AGBL1: variants seen among roughly 807,000 people sequenced by gnomAD.
AGBL1 encodes cytosolic carboxypeptidase 4.
In AGBL1, 130 loss-of-function variants were observed where a neutral mutation model predicts 118.9. The observed-to-expected ratio is 1.09, with a 90% confidence interval of 0.95 to 1.26. The LOEUF (loss-of-function observed/expected upper bound fraction) is 1.26. Ranked by LOEUF, AGBL1 falls within the 50% of genes most tolerant of loss-of-function variation. The probability of loss-of-function intolerance (pLI) is 0.00; values close to 1 mark genes in which losing one functional copy is unlikely to be tolerated. For synonymous variants in AGBL1, 555 were observed against 478.9 expected (o/e 1.16, Z -2.08); for missense variants, 1,584 against 1,298.1 (o/e 1.22, Z -3.38).
chr15:86,490,586 A>G (rs2082765926), intron 18 of AGBL1, among the ~76,000 whole-genome samples: 1 of 152,050 alleles, frequency 6.6e-6, no homozygotes, highest in South Asian at 2.1e-4. Flanking sequence ...GACAATACCA[A>G]TGTTCTAGAA....
At chr15:86,332,625 G>T (rs182639560) in intron 17 of AGBL1, among the ~76,000 whole-genome samples, 1 of 139,320 alleles carries the variant, frequency 7.2e-6, no homozygotes, top group Non-Finnish European at 1.5e-5. Flanking sequence ...CAGCCTGGGC[G>T]ACAGAGTGAG....
intron 5 of AGBL1, among the ~76,000 whole-genome samples, chr15:86,168,156 C>G (rs536118691): frequency 1.3e-5 from 2 of 152,206 alleles, no homozygotes; most frequent in South Asian, 4.2e-4. Context: ...AAGACACAGT[C>G]CTTGCCCTCA....
chr15:86,739,209 C>T (rs1189110151), intron 22 of AGBL1, among the ~76,000 whole-genome samples: 2 of 151,668 alleles, frequency 1.3e-5, no homozygotes, highest in African/African-American at 2.4e-5. Flanking sequence ...TTTGGGAGGC[C>T]AAGGCAGGCA....
At chr15:86,960,002 G>T (rs928615613) in intron 23 of AGBL1, among the ~76,000 whole-genome samples, 1 of 152,034 alleles carries the variant, frequency 6.6e-6, no homozygotes, top group African/African-American at 2.4e-5. Flanking sequence ...CTCTTTTAAG[G>T]TTTCGGGTAA....
At chr15:86,178,176 G>A (rs926669305) in intron 5 of AGBL1, among the ~76,000 whole-genome samples, 25 of 152,096 alleles carry the variant, frequency 1.6e-4, no homozygotes, top group Non-Finnish European at 8.8e-5. Flanking sequence ...AGTTGGGTGT[G>A]GTGGCACCTG....
intron 21 of AGBL1, among the ~76,000 whole-genome samples, chr15:86,632,734 A>C (rs1430784440): frequency 1.3e-5 from 2 of 151,172 alleles, no homozygotes; most frequent in Non-Finnish European, 3.0e-5. Context: ...GCTTCTGAGC[A>C]GGTGTATTCA....
chr15:86,796,274 A>T (rs549231726), intron 22 of AGBL1, among the ~76,000 whole-genome samples: 1 of 152,328 alleles, frequency 6.6e-6, no homozygotes, highest in African/African-American at 2.4e-5. Context: ...TTGTTCTGTC[A>T]GAAAAGTAAG....
At chr15:86,610,332 A>G (rs1180735871) in intron 21 of AGBL1, among the ~76,000 whole-genome samples, 4 of 152,234 alleles carry the variant, frequency 2.6e-5, no homozygotes, top group African/African-American at 9.6e-5. Context: ...TCTTTGGTCC[A>G]CATAATAGTA....
intron 6 of AGBL1, among the ~76,000 whole-genome samples, chr15:86,226,907 A>G (rs757090346): frequency 4.6e-5 from 7 of 152,246 alleles, no homozygotes; most frequent in African/African-American, 7.2e-5. Flanking sequence ...TGTCTCTTCC[A>G]GCAGACTGCA....
At chr15:86,105,982 A>T (rs895624658) in intron 1 of AGBL1, among the ~76,000 whole-genome samples, 2 of 152,204 alleles carry the variant, frequency 1.3e-5, no homozygotes, top group African/African-American at 4.8e-5. Context: ...TTCCAATCAC[A>T]TCTGAAAAAT....
chr15:86,125,323 C>G (rs1009016910), intron 1 of AGBL1, among the ~76,000 whole-genome samples: 3 of 152,166 alleles, frequency 2.0e-5, no homozygotes, highest in Non-Finnish European at 4.4e-5. Context: ...ATGATGAAGC[C>G]TTTCGTGACT....
At chr15:86,830,820 A>G (rs2079094941) in intron 22 of AGBL1, among the ~76,000 whole-genome samples, 1 of 152,178 alleles carries the variant, frequency 6.6e-6, no homozygotes, top group African/African-American at 2.4e-5. Flanking sequence ...CACCCATACC[A>G]CTAAGAGTAC....
chr15:86,395,317 C>T (rs1411958469), intron 17 of AGBL1, among the ~76,000 whole-genome samples: 1 of 151,940 alleles, frequency 6.6e-6, no homozygotes, highest in Non-Finnish European at 1.5e-5. Flanking sequence ...TGGCATATGT[C>T]CCTTTCTTTG....
chr15:86,682,585 A>G (rs887119584), intron 22 of AGBL1, among the ~76,000 whole-genome samples: 3 of 152,156 alleles, frequency 2.0e-5, no homozygotes, highest in African/African-American at 7.2e-5. Flanking sequence ...TTTACAGCTT[A>G]CAGAATATTA....
In AGBL1 at chr15:86,319,743, G is replaced by GTTTTTTTTTTTTTTTTTTTTTT. The variant is rs139831044; in HGVS notation, c.2374+24350_2374+24371dup. ...TGTACTTTGTTTTGCCTCTTTGGTA[G>GTTTTTTTTTTTTTTTTTTTTTT]TTTTTTTTTTTTTTTTTTTTTTTTT... is the stretch of plus-strand genomic sequence containing the variant. On this transcript the variant is annotated intron_variant, in intron 17 of 22. Coordinates refer to ENST00000614907, the MANE Select transcript of AGBL1 (RefSeq NM_001386094.1). Among the ~76,000 whole-genome samples the GTTTTTTTTTTTTTTTTTTTTTT allele has an allele frequency of 8.5e-5, 4 of 47,230 alleles. 1 individual carries two copies. The highest frequency in any genetic ancestry group is 1.1e-4 in the Non-Finnish European group (3 of 27,910). The allele number at this position is 47,230 out of a possible 152,430, so 31.0% of individuals were successfully genotyped here.
At chr15:86,904,736 A>G (rs1487815173) in intron 22 of AGBL1, among the ~76,000 whole-genome samples, 1 of 150,598 alleles carries the variant, frequency 6.6e-6, no homozygotes, top group Non-Finnish European at 1.5e-5. Flanking sequence ...AAATTCACAG[A>G]CATGATAATT....
At chr15:86,156,790 C>CT (rs2077197929) in intron 4 of AGBL1, among the ~76,000 whole-genome samples, 1 of 32,802 alleles carries the variant, frequency 3.0e-5, no homozygotes. Flanking sequence ...TTTTTCTTTT[C>CT]TTTCTTTTTT....
intron 24 of AGBL1, among the ~76,000 whole-genome samples, chr15:87,001,356 C>A (rs2081435419): frequency 6.6e-6 from 1 of 152,006 alleles, no homozygotes; most frequent in Admixed American, 6.6e-5. Flanking sequence ...GTATATGTGC[C>A]ATATTTTCTT....
chr15:86,958,305 G>A (rs1056664770), intron 23 of AGBL1, among the ~76,000 whole-genome samples: 4 of 151,964 alleles, frequency 2.6e-5, no homozygotes, highest in African/African-American at 9.7e-5. Context: ...CCTGGCCACT[G>A]CCCCTACAGG....
Sources: allele counts gnomAD v4.1 joint callset (sites outside exome capture counted in the v4.1 genomes callset), GRCh38; gene constraint gnomAD v4.1.1; transcripts MANE v1.5; gene names NCBI Gene and HGNC (gene_info 2026-07-23, HGNC 2026-07-21).